Variants in AFG3L2 observed in about 807,000 individuals in gnomAD.
AFG3L2 encodes mitochondrial inner membrane m-AAA protease component AFG3L2.
A neutral mutation model predicts 94.5 loss-of-function variants in AFG3L2; 54 were observed. That is an observed-to-expected ratio of 0.57 (90% confidence interval 0.46 to 0.72). AFG3L2 has a LOEUF of 0.72. AFG3L2 is among the 30% of genes least tolerant of loss of function. The probability of loss-of-function intolerance (pLI) is 0.00; values close to 1 mark genes in which losing one functional copy is unlikely to be tolerated. For synonymous variants in AFG3L2, 377 were observed against 365.5 expected, an observed-to-expected ratio of 1.03 and a Z score of -0.36; for missense variants, 754 against 994.9, an observed-to-expected ratio of 0.76 and a Z score of 3.26.
chr18:12,371,753 C>A lies in AFG3L2; in HGVS notation c.115-62G>T, dbSNP rs116706968. ...CAAGATAAAAAACTTAAAAGAGCTT[C>A]ATTTCCTGGTCATAAAGTAGATGAA... On this transcript the variant is annotated intron_variant, in intron 1 of 16. Transcript: ENST00000269143. The A allele has an allele frequency of 8.7e-4, 1,175 of 1,350,378 alleles. 9 individuals are homozygous for A. The African/African-American group carries it at 0.015, about 18-fold the overall frequency. The allele number at this position is 1,350,378 out of a possible 1,614,324, so 83.6% of individuals were successfully genotyped here. A position where few individuals can be genotyped will look rare whatever the true frequency, so the allele number is the denominator to read the frequency against.
At chr18:12,370,503 C>CT (rs1421594239) in intron 3 of AFG3L2, among the ~76,000 whole-genome samples, 1 of 133,388 alleles carries the variant, frequency 7.5e-6, no homozygotes, top group African/African-American at 2.9e-5. Context: ...GACAGGGTCT[C>CT]TCTGTTGCCC....
intron 3 of AFG3L2, among the ~76,000 whole-genome samples, chr18:12,370,183 G>A (rs1300016018): frequency 6.6e-6 from 1 of 151,954 alleles, no homozygotes; most frequent in Non-Finnish European, 1.5e-5. Context: ...ATGCTCTGAG[G>A]AGCAATTTTT....
rs1448835287 is a variant in AFG3L2 at position 12,337,464 on chromosome 18, T to C, written c.2052A>G (p.Val684=). The change falls in exon 16 of 17, where the codon GTA becomes GTG. Residue 684 remains valine (V), a synonymous_variant. Coordinates refer to ENST00000269143, the MANE Select transcript of AFG3L2 (RefSeq NM_006796.3). ...SFDLPRQGDM[V]LEKPYSEATA... is the part of the protein sequence containing the mutation. ...TGGCTTCACTGTAAGGTTTCTCCAA[T>C]ACCATGTCCCCCTGACGTGGGAGGT... is the stretch of plus-strand genomic sequence containing the variant. 1 of 1,614,206 alleles carries C rather than the reference T, an allele frequency of 6.2e-7. No individual in the cohort carries two copies. Among genetic ancestry groups the C allele is most frequent in the South Asian group, 1.1e-5 (1 of 91,088 alleles).
At chr18:12,349,243 T>C (rs1055154565) in intron 12 of AFG3L2, among the ~76,000 whole-genome samples, 4 of 152,072 alleles carry the variant, frequency 2.6e-5, no homozygotes, top group African/African-American at 7.2e-5. Context: ...CTAGGATGGC[T>C]GTAATAAAAA....
intron 15 of AFG3L2, among the ~76,000 whole-genome samples, 188 bp downstream of exon 15, chr18:12,340,012 TG>T (rs1361061311): frequency 6.6e-6 from 1 of 152,146 alleles, no homozygotes; most frequent in East Asian, 1.9e-4. Context: ...AGAGGGAGAC[TG>T]TGTCTCAAAA....
chr18:12,361,509 A>G (rs8097571), intron 6 of AFG3L2, among the ~76,000 whole-genome samples: 6,157 of 152,204 alleles, frequency 0.04, 373 homozygotes, highest in African/African-American at 0.14. Flanking sequence ...TTAGCCAGGC[A>G]TGGTGGCAGG....
chr18:12,354,585 C>T (rs1208606098), intron 9 of AFG3L2, among the ~76,000 whole-genome samples: 2 of 152,132 alleles, frequency 1.3e-5, no homozygotes, highest in African/African-American at 2.4e-5. Flanking sequence ...TCCCTGACCA[C>T]CCCTTCATTC....
At chr18:12,362,866 T>C (rs544667682) in intron 6 of AFG3L2, among the ~76,000 whole-genome samples, 8 of 152,336 alleles carry the variant, frequency 5.3e-5, no homozygotes, top group African/African-American at 1.9e-4. Context: ...GGTGTGTGTG[T>C]GCTTCCCACA....
At chr18:12,331,484 T>C (rs1236063085) in intron 16 of AFG3L2, among the ~76,000 whole-genome samples, 1 of 152,190 alleles carries the variant, frequency 6.6e-6, no homozygotes, top group East Asian at 1.9e-4. Context: ...ATTTACTTTG[T>C]CTAAAGTTTC....
At chr18:12,333,468 G>A (rs1021876745) in intron 16 of AFG3L2, among the ~76,000 whole-genome samples, 1 of 150,090 alleles carries the variant, frequency 6.7e-6, no homozygotes. Context: ...GGGCTCAGGT[G>A]ATCCTCCCAT....
intron 6 of AFG3L2, 150 bp downstream of exon 6, chr18:12,363,632 G>A (rs1273590226): frequency 3.0e-6 from 2 of 671,698 alleles, no homozygotes; most frequent in Non-Finnish European, 5.4e-6. Context: ...CATTTCCACT[G>A]ATGTTAGTAA....
At position 12,370,849 on chromosome 18, in the gene AFG3L2, CT is replaced by C; in HGVS notation, c.291del (p.Glu98AsnfsTer87). ...SEPKEVMGEK[K>X]ESKPAATTRS... ...CAAATATAATATTGTCAAAAGGTAC[CT>C]TTTTTCTCTCCCATAACTTCTTTAG... is the stretch of plus-strand genomic sequence containing the variant. On this transcript the variant is annotated frameshift_variant and splice_region_variant, in exon 3 of 17. Transcript: ENST00000269143. LOFTEE classifies it high-confidence loss of function. 3.2e-6 allele frequency: 5 copies of C among 1,571,464 alleles called. No homozygotes were observed. Among genetic ancestry groups the C allele is most frequent in the Non-Finnish European group, 4.4e-6 (5 of 1,144,120 alleles).
In AFG3L2 at chr18:12,344,925, T is replaced by G. The variant is rs1051612929; in HGVS notation, c.1664-678A>C. Among the ~76,000 whole-genome samples, 4 of 152,198 alleles carry G rather than the reference T, an allele frequency of 2.6e-5. No individual in the cohort carries two copies. The East Asian group carries it at 7.7e-4, about 29-fold the overall frequency. ...AAGGTCATTTTAAAACACGCAAAAT[T>G]ACAGAAACCAAAACTCTGGAAAGGT... On this transcript the variant is annotated intron_variant, in intron 13 of 16. Coordinates refer to ENST00000269143, the MANE Select transcript of AFG3L2 (RefSeq NM_006796.3).
intron 16 of AFG3L2, among the ~76,000 whole-genome samples, chr18:12,335,374 CAT>C (rs1046987026): frequency 6.6e-6 from 1 of 152,194 alleles, no homozygotes; most frequent in Non-Finnish European, 1.5e-5. Flanking sequence ...TCACATGTCA[CAT>C]GTGGATTCAA....
At chr18:12,344,582 G>A (rs1339623667) in intron 13 of AFG3L2, among the ~76,000 whole-genome samples, 5 of 151,924 alleles carry the variant, frequency 3.3e-5, no homozygotes, top group African/African-American at 9.7e-5. Flanking sequence ...GCTGGGGCAG[G>A]AGAATCACTT....
intron 15 of AFG3L2, among the ~76,000 whole-genome samples, chr18:12,339,009 C>A (rs1003508873): frequency 6.6e-6 from 1 of 152,256 alleles, no homozygotes; most frequent in East Asian, 1.9e-4. Context: ...AATCCCAGCA[C>A]TTTGGCAGGC....
intron 16 of AFG3L2, among the ~76,000 whole-genome samples, chr18:12,334,550 G>A (rs568380261): frequency 1.1e-4 from 17 of 152,222 alleles, no homozygotes; most frequent in South Asian, 4.1e-4. Flanking sequence ...AGACCAAACC[G>A]TTTATCACTC....
intron 12 of AFG3L2, among the ~76,000 whole-genome samples, chr18:12,349,468 C>T (rs371189233): frequency 6.6e-6 from 1 of 152,170 alleles, no homozygotes; most frequent in Admixed American, 6.5e-5. Context: ...CAGCATTATT[C>T]ATAATAGCCA....
At chr18:12,353,214 A>C in intron 9 of AFG3L2, 56 bp from the exon 10 acceptor site, 1 of 1,601,658 alleles carries the variant, frequency 6.2e-7, no homozygotes, top group Non-Finnish European at 8.5e-7. Context: ...TATTCTCTGA[A>C]TAAGAAATGA....
Sources: allele counts gnomAD v4.1 joint callset (sites outside exome capture counted in the v4.1 genomes callset), GRCh38; gene constraint gnomAD v4.1.1; transcripts MANE v1.5; gene names NCBI Gene and HGNC (gene_info 2026-07-23, HGNC 2026-07-21).